The following ZC2HC1A variants were observed in gnomAD, a reference collection of about 807,000 sequenced individuals.
The protein encoded by ZC2HC1A is zinc finger C2HC domain-containing protein 1A.
ZC2HC1A carries 28 observed loss-of-function variants against 40.7 expected under a neutral mutation model. The ratio of observed to expected loss-of-function variants is 0.69; its 90% CI spans 0.51 to 0.94. ZC2HC1A has a LOEUF of 0.94. Ranked by LOEUF, ZC2HC1A falls within the 40% of genes least tolerant of loss-of-function variation. The probability of loss-of-function intolerance (pLI) is 0.00; values close to 1 mark genes in which losing one functional copy is unlikely to be tolerated. For synonymous variants in ZC2HC1A, 129 were observed against 129.2 expected (o/e 1.00, Z 0.01); for missense variants, 389 against 386.3 (o/e 1.01, Z -0.06).
rs146901112 is a variant in ZC2HC1A at position 78,711,512 on chromosome 8, T to C, written c.705-3709T>C. 2.0e-5 allele frequency among the ~76,000 whole-genome samples: 3 copies of C among 152,114 alleles called. No homozygotes were observed. The East Asian group carries it at 5.8e-4, about 29-fold the overall frequency. ...AAGTCACTTTTTTGTTAGAAGTCAG[T>C]GGAGTTAGAAAGTCAAATGGAGTAC... On this transcript the variant is annotated intron_variant, in intron 7 of 8. Transcript: ENST00000263849.
At chr8:78,688,873 A>AT (rs1554591954) in intron 4 of ZC2HC1A, among the ~76,000 whole-genome samples, 1 of 152,118 alleles carries the variant, frequency 6.6e-6, no homozygotes, top group Non-Finnish European at 1.5e-5. Flanking sequence ...CTAGTCTGCT[A>AT]TATAAAGTAT....
chr8:78,694,728 TTTTCCAATTTCATTAGTCATTAGTC>T (rs1217409326), intron 5 of ZC2HC1A, among the ~76,000 whole-genome samples: 4 of 152,198 alleles, frequency 2.6e-5, no homozygotes, highest in Non-Finnish European at 5.9e-5. Context: ...TCTTTAGACT[TTTTCCAATTTCATTAGTCATTAGTC>T]TTTGTATAAA....
Position 78,697,367 on chromosome 8 carries a change from A to G in ZC2HC1A, c.505-40A>G, listed in dbSNP as rs1348558843. Reference sequence around the variant, plus strand: ...ACCACTACTTTACAATCCATAATCAAAAAGTGATGTTGATTAATATTTTTT... The same window carrying G: ...ACCACTACTTTACAATCCATAATCAGAAAGTGATGTTGATTAATATTTTTT... On this transcript the variant is annotated intron_variant, in intron 5 of 8. Coordinates refer to ENST00000263849, the MANE Select transcript of ZC2HC1A (RefSeq NM_016010.3). 2.7e-6 allele frequency: 4 copies of G among 1,501,210 alleles called. No homozygotes were observed. In the South Asian group the frequency reaches 3.7e-5, roughly 14 times the overall value. 93.0% of individuals were successfully genotyped at this position (1,501,210 alleles called of 1,614,324 possible).
chr8:78,715,261 G>T lies in ZC2HC1A; in HGVS notation c.745G>T (p.Ala249Ser). The T allele has an allele frequency of 6.2e-7, 1 of 1,613,630 alleles. No homozygotes were observed. The highest frequency in any genetic ancestry group is 1.1e-5 in the South Asian group (1 of 91,014). ...KPRNSTPPSL[A>S]RNPAPGVLTN... ...CCGAAATTCCACACCACCTAGTTTG[G>T]CAAGAAATCCTGCCCCAGGTGTGCT... Residue 249 changes from alanine to serine, a missense_variant, in exon 8 of 9, where the codon GCA (alanine) becomes TCA (serine). By Grantham distance (99) the Ala-to-Ser change is moderately conservative. Coordinates refer to ENST00000263849, the MANE Select transcript of ZC2HC1A (RefSeq NM_016010.3).
At chr8:78,684,302 C>G (rs1325261457) in intron 3 of ZC2HC1A, among the ~76,000 whole-genome samples, 1 of 152,194 alleles carries the variant, frequency 6.6e-6, no homozygotes, top group Non-Finnish European at 1.5e-5. Context: ...GCCTCACAAT[C>G]ATGGTGGAAG....
At chr8:78,694,677 G>GT (rs1810341129) in intron 5 of ZC2HC1A, among the ~76,000 whole-genome samples, 1 of 152,090 alleles carries the variant, frequency 6.6e-6, no homozygotes, top group African/African-American at 2.4e-5. Flanking sequence ...GGTCTAAATA[G>GT]TAAGTTCTAC....
intron 7 of ZC2HC1A, among the ~76,000 whole-genome samples, chr8:78,710,002 C>T (rs765799487): frequency 2.1e-4 from 32 of 152,106 alleles, no homozygotes; most frequent in Admixed American, 9.8e-4. Flanking sequence ...TTACTTATTT[C>T]GTAAGTGAAT....
rs1811158179 is a variant in ZC2HC1A, at chr8:78,717,960, A to G, written c.*467A>G. 1 of 152,714 alleles carries G rather than the reference A, an allele frequency of 6.5e-6. No individual in the cohort carries two copies. The highest frequency in any genetic ancestry group is 1.9e-4 in the East Asian group (1 of 5,202). 9.5% of individuals were successfully genotyped at this position (152,714 alleles called of 1,614,324 possible). ...TAGATGCTGGGAATTTTGTAATTAA[A>G]GAGAACAGTTTTAGTTACCATTAGG... is the stretch of plus-strand genomic sequence containing the variant. On this transcript the variant is annotated 3_prime_UTR_variant, in exon 9 of 9. Transcript: ENST00000263849.
At chr8:78,678,514 A>T (rs775049434) in intron 2 of ZC2HC1A, 49 bp from the exon 3 acceptor site, 2 of 1,465,194 alleles carry the variant, frequency 1.4e-6, no homozygotes, top group Non-Finnish European at 1.9e-6. Flanking sequence ...CTGTAGTCTT[A>T]CCTTCTGTAG....
At chr8:78,690,122 T>C (rs1237189193) in intron 5 of ZC2HC1A, among the ~76,000 whole-genome samples, 1 of 152,206 alleles carries the variant, frequency 6.6e-6, no homozygotes, top group African/African-American at 2.4e-5. Context: ...AATGTATGGG[T>C]TTATTTCAGG....
Position 78,717,378 on chromosome 8 carries a change from T to C in ZC2HC1A, c.863T>C (p.Ile288Thr). ...SSLNGGNIKG[I>T]EGHSPGNLPK... ...CTTAATGGTGGAAATATTAAAGGCA[T>C]TGAAGGACATTCACCTGGAAACTTA... The change falls in exon 9 of 9, where the codon ATT becomes ACT. Residue 288 changes from isoleucine (I) to threonine (T), a missense_variant. Physicochemically the swap from Ile to Thr is moderately conservative, Grantham distance 89 (BLOSUM62 -1). Coordinates refer to ENST00000263849, the MANE Select transcript of ZC2HC1A (RefSeq NM_016010.3). 2 of 1,613,878 alleles carry C rather than the reference T, an allele frequency of 1.2e-6. No homozygotes were observed. Among genetic ancestry groups the C allele is most frequent in the South Asian group, 2.2e-5 (2 of 91,042 alleles).
chr8:78,670,714 T>C lies in ZC2HC1A; in HGVS notation c.16+4550T>C, dbSNP rs550467794. Among the ~76,000 whole-genome samples, 6 of 152,292 alleles carry C rather than the reference T, an allele frequency of 3.9e-5. No individual in the cohort carries two copies. The East Asian group carries it at 1.2e-3, about 29-fold the overall frequency. On this transcript the variant is annotated intron_variant, in intron 1 of 8. Coordinates refer to ENST00000263849, the MANE Select transcript of ZC2HC1A (RefSeq NM_016010.3). ...ACTTAGAGAAAGGTAGGAGGTAGAA[T>C]TCTATGGTTAAAGAGGAAACTTGAG...
At position 78,696,429 on chromosome 8, in the gene ZC2HC1A, T is replaced by C. The variant is rs1810417333; in HGVS notation, c.505-978T>C. Among the ~76,000 whole-genome samples the C allele has an allele frequency of 2.0e-5, 3 of 152,314 alleles. 1 individual carries two copies. In the South Asian group the frequency reaches 6.2e-4, roughly 32 times the overall value. ...TGATTTTCACCTTATGGTTGAAGCA[T>C]TGGGCTAGAACCAGCATGAGTCTAA... On this transcript the variant is annotated intron_variant, in intron 5 of 8. Coordinates refer to ENST00000263849, the MANE Select transcript of ZC2HC1A (RefSeq NM_016010.3).
At chr8:78,681,346 A>G (rs1350403644) in intron 3 of ZC2HC1A, among the ~76,000 whole-genome samples, 5 of 152,214 alleles carry the variant, frequency 3.3e-5, no homozygotes, top group Non-Finnish European at 7.3e-5. Context: ...ATGAGAAAAA[A>G]GGTAGAAAAG....
chr8:78,689,584 G>A (rs1810142197), intron 5 of ZC2HC1A, among the ~76,000 whole-genome samples: 1 of 151,756 alleles, frequency 6.6e-6, no homozygotes, highest in Non-Finnish European at 1.5e-5. Flanking sequence ...AGGGGCAATT[G>A]TTCCCTTTTT....
At chr8:78,681,851 A>G (rs11785966) in intron 3 of ZC2HC1A, among the ~76,000 whole-genome samples, 102,977 of 149,740 alleles carry the variant, frequency 0.69, 36,163 homozygotes, top group East Asian at 0.91. Context: ...ATATTTGTGT[A>G]TTATTTTTAA....
At position 78,675,823 on chromosome 8, in the gene ZC2HC1A, C is replaced by T. The variant is rs1036921787; in HGVS notation, c.53C>T (p.Pro18Leu). ...GTTGTCCAAGTTGGAGAATTGTTAC[C>T]TTGCAAGATTTGTGGAAGAACATTC... ...GGVVQVGELL[P>L]CKICGRTFFP... is the part of the protein sequence containing the mutation. The change falls in exon 2 of 9, where the codon CCT (proline) becomes CTT (leucine). Residue 18 changes from proline (P) to leucine (L), a missense_variant. Transcript: ENST00000263849. 5 of 1,609,658 alleles carry T rather than the reference C, an allele frequency of 3.1e-6. No homozygotes were observed. Among genetic ancestry groups the T allele is most frequent in the Non-Finnish European group, 4.2e-6 (5 of 1,177,492 alleles).
intron 3 of ZC2HC1A, among the ~76,000 whole-genome samples, chr8:78,684,880 C>T (rs548229039): frequency 3.3e-5 from 5 of 152,024 alleles, no homozygotes; most frequent in African/African-American, 1.2e-4. Context: ...GAAATATATC[C>T]CATATTCTTG....
At chr8:78,707,845 C>CT (rs1304058241) in intron 7 of ZC2HC1A, among the ~76,000 whole-genome samples, 2 of 84,330 alleles carry the variant, frequency 2.4e-5, no homozygotes, top group Non-Finnish European at 5.1e-5. Context: ...GAGTTCCTTC[C>CT]TTTTTTTTTC....
Sources: allele counts gnomAD v4.1 joint callset (sites outside exome capture counted in the v4.1 genomes callset), GRCh38; gene constraint gnomAD v4.1.1; transcripts MANE v1.5; gene names NCBI Gene and HGNC (gene_info 2026-07-23, HGNC 2026-07-21).